The following BBS9 variants were observed in gnomAD, a reference collection of about 807,000 sequenced individuals.
BBS9 encodes Bardet-Biedl syndrome 9, also known as protein PTHB1.
Under a neutral mutation model 117.7 loss-of-function variants are expected in BBS9, and 89 were observed. The observed-to-expected ratio is 0.76, with a 90% CI of 0.64 to 0.90. The LOEUF (loss-of-function observed/expected upper bound fraction) is 0.90, where lower values mean the gene tolerates loss of function less well. Among genes scored for constraint, BBS9 ranks in the 40% least tolerant of loss-of-function variants. BBS9 has a pLI of 0.00. For synonymous variants in BBS9, 379 were observed against 370.9 expected (o/e 1.02, Z -0.25); for missense variants, 982 against 1,042.2 (o/e 0.94, Z 0.80).
chr7:33,421,237 C>A (rs1343012111), intron 19 of BBS9, among the ~76,000 whole-genome samples: 1 of 151,198 alleles, frequency 6.6e-6, no homozygotes, highest in African/African-American at 2.4e-5. Flanking sequence ...CAAGTAGGTA[C>A]GTCCAAGGAA....
At chr7:33,620,440 G>A (rs1032295805) in intron 21 of BBS9, among the ~76,000 whole-genome samples, 26 of 151,828 alleles carry the variant, frequency 1.7e-4, no homozygotes, top group African/African-American at 6.3e-4. Flanking sequence ...ATAAAAATCT[G>A]TAGCATTTCT....
At chr7:33,140,465 A>C (rs997076160) in intron 1 of BBS9, among the ~76,000 whole-genome samples, 5 of 152,102 alleles carry the variant, frequency 3.3e-5, no homozygotes, top group African/African-American at 4.8e-5. Context: ...CTTCATAGCC[A>C]TGAAGATGAC....
At chr7:33,425,337 TA>T (rs747724071) in intron 19 of BBS9, among the ~76,000 whole-genome samples, 7 of 152,332 alleles carry the variant, frequency 4.6e-5, no homozygotes, top group African/African-American at 4.8e-5. Flanking sequence ...AGGCACACTT[TA>T]AAAAAATTTT....
chr7:33,476,527 C>A (rs1255942241), intron 19 of BBS9, among the ~76,000 whole-genome samples: 1 of 152,208 alleles, frequency 6.6e-6, no homozygotes, highest in African/African-American at 2.4e-5. Flanking sequence ...CTCCAACCAC[C>A]TTTAAACAAA....
chr7:33,449,146 T>G (rs1837410356), intron 19 of BBS9, among the ~76,000 whole-genome samples: 1 of 152,214 alleles, frequency 6.6e-6, no homozygotes, highest in Non-Finnish European at 1.5e-5. Context: ...GTCCTTGTGC[T>G]GGGCATCAAT....
intron 10 of BBS9, among the ~76,000 whole-genome samples, chr7:33,340,488 C>T (rs36109606): frequency 0.14 from 21,089 of 151,996 alleles, 1,831 homozygotes; most frequent in South Asian, 0.2. Flanking sequence ...ACATTAGAGA[C>T]CTCCTTGGGC....
intron 21 of BBS9, among the ~76,000 whole-genome samples, chr7:33,540,856 A>G (rs1852182230): frequency 6.6e-6 from 1 of 152,186 alleles, no homozygotes; most frequent in African/African-American, 2.4e-5. Context: ...CCTCTTGAGC[A>G]TAGGCCAAGT....
Position 33,533,975 on chromosome 7 carries a change from G to T in BBS9, c.2320G>T (p.Ala774Ser), listed in dbSNP as rs547262253. ...QELGWEETVD[A>S]AISHLLKTCL... is the part of the protein sequence containing the mutation. Reference sequence around the variant, plus strand: ...CCAGGGCTGGGAAGAAACGGTGGATGCCGCCATTTCCCACCTGTTGAAGAC... The same window carrying T: ...CCAGGGCTGGGAAGAAACGGTGGATTCCGCCATTTCCCACCTGTTGAAGAC... The change falls in exon 21 of 23, where the codon GCC becomes TCC. Residue 774 changes from alanine (A) to serine (S), a missense_variant. By Grantham distance (99) the Ala-to-Ser change is moderately conservative. Coordinates refer to ENST00000242067, the MANE Select transcript of BBS9 (RefSeq NM_198428.3). 2.5e-6 allele frequency: 4 copies of T among 1,614,240 alleles called. No individual in the cohort carries two copies. In the South Asian group the frequency reaches 4.4e-5, roughly 18 times the overall value.
At chr7:33,480,499 C>T (rs1842386260) in intron 19 of BBS9, among the ~76,000 whole-genome samples, 1 of 152,078 alleles carries the variant, frequency 6.6e-6, no homozygotes, top group African/African-American at 2.4e-5. Context: ...TGGGAGTAGA[C>T]ATTATGGGCA....
intron 11 of BBS9, among the ~76,000 whole-genome samples, chr7:33,342,053 C>G (rs1244808454): frequency 6.6e-6 from 1 of 151,996 alleles, no homozygotes; most frequent in African/African-American, 2.4e-5. Context: ...TCATATAATT[C>G]TGCTTGGGAA....
chr7:33,281,856 C>G (rs946203691), intron 9 of BBS9, among the ~76,000 whole-genome samples: 4 of 151,818 alleles, frequency 2.6e-5, no homozygotes, highest in African/African-American at 9.7e-5. Flanking sequence ...GCTTTGTTGA[C>G]CAGGCTGGAG....
chr7:33,413,950 G>A (rs1249456602), intron 19 of BBS9, among the ~76,000 whole-genome samples: 1 of 152,110 alleles, frequency 6.6e-6, no homozygotes, highest in Admixed American at 6.5e-5. Flanking sequence ...CTTGAACCTG[G>A]GAGTCAGAGG....
chr7:33,454,877 G>A (rs1838412570), intron 19 of BBS9, among the ~76,000 whole-genome samples: 1 of 152,190 alleles, frequency 6.6e-6, no homozygotes, highest in Non-Finnish European at 1.5e-5. Context: ...CCTGTGGGGA[G>A]GAGTTTGGCC....
At chr7:33,547,249 A>C (rs1234060670) in intron 21 of BBS9, among the ~76,000 whole-genome samples, 1 of 152,170 alleles carries the variant, frequency 6.6e-6, no homozygotes, top group East Asian at 1.9e-4. Context: ...TCTGTCTATA[A>C]CTAGAAGAAA....
At chr7:33,264,541 G>A (rs1238848480) in intron 7 of BBS9, among the ~76,000 whole-genome samples, 167 bp downstream of exon 7, 3 of 151,986 alleles carry the variant, frequency 2.0e-5, no homozygotes, top group Non-Finnish European at 4.4e-5. Flanking sequence ...TTGTTGTTGA[G>A]CAATGGAAAC....
At chr7:33,358,944 A>G (rs1252080138) in intron 16 of BBS9, among the ~76,000 whole-genome samples, 1 of 151,872 alleles carries the variant, frequency 6.6e-6, no homozygotes, top group Non-Finnish European at 1.5e-5. Flanking sequence ...TTTTATTTAT[A>G]TATAACTCTG....
At chr7:33,433,604 A>G (rs1410797545) in intron 19 of BBS9, among the ~76,000 whole-genome samples, 1 of 152,198 alleles carries the variant, frequency 6.6e-6, no homozygotes, top group Non-Finnish European at 1.5e-5. Context: ...CGGCATTAGT[A>G]TTCAGTCTGA....
intron 7 of BBS9, among the ~76,000 whole-genome samples, chr7:33,265,128 A>G (rs908462426): frequency 7.2e-5 from 11 of 152,204 alleles, no homozygotes; most frequent in Admixed American, 3.9e-4. Flanking sequence ...AGAAGGAACT[A>G]AAATTATGGT....
intron 9 of BBS9, among the ~76,000 whole-genome samples, chr7:33,335,132 T>C (rs1815040725): frequency 6.6e-6 from 1 of 152,250 alleles, no homozygotes; most frequent in Non-Finnish European, 1.5e-5. Context: ...TTCTAAATAA[T>C]CCTAGACTCT....
Sources: gnomAD v4.1 joint callset for allele counts (sites outside exome capture counted in the v4.1 genomes callset) on GRCh38, gnomAD v4.1.1 for gene constraint, MANE v1.5 for transcripts, NCBI Gene and HGNC (gene_info 2026-07-23, HGNC 2026-07-21) for gene names.